NRG3: variants seen among roughly 807,000 people sequenced by gnomAD.
NRG3 encodes neuregulin 3, also known as pro-neuregulin-3, membrane-bound isoform.
Under a neutral mutation model 66.9 loss-of-function variants are expected in NRG3, and 31 were observed. That is an observed-to-expected ratio of 0.46 (90% confidence interval 0.35 to 0.63). The LOEUF (loss-of-function observed/expected upper bound fraction) is 0.63, where lower values mean the gene tolerates loss of function less well. NRG3 is among the 20% of genes least tolerant of loss of function. The probability of loss-of-function intolerance (pLI) is 0.00; values close to 1 mark genes in which losing one functional copy is unlikely to be tolerated. For synonymous variants in NRG3, 393 were observed against 359.4 expected (o/e 1.09, Z -1.06); for missense variants, 910 against 878.9 (o/e 1.04, Z -0.45).
At chr10:81,901,296 G>A (rs987497479) in intron 1 of NRG3, among the ~76,000 whole-genome samples, 1 of 152,220 alleles carries the variant, frequency 6.6e-6, no homozygotes, top group African/African-American at 2.4e-5. Context: ...TGTGCTTCCA[G>A]CACTGAAAGT....
chr10:82,298,156 AAGAAAGAGAGAGGGAG>A (rs2080179742), intron 1 of NRG3, among the ~76,000 whole-genome samples: 1 of 151,446 alleles, frequency 6.6e-6, no homozygotes, highest in Non-Finnish European at 1.5e-5. Context: ...AAAAGAAAGA[AAGAAAGAGAGAGGGAG>A]AGAAAGAGAG....
chr10:82,358,638 C>G, intron 1 of NRG3, 101 bp from the exon 2 acceptor site: 1 of 1,523,426 alleles, frequency 6.6e-7, no homozygotes, highest in Non-Finnish European at 9.0e-7. Flanking sequence ...AGGTCAGAGC[C>G]CATGAGAAGG....
chr10:81,893,496 A>G (rs991884145), intron 1 of NRG3, among the ~76,000 whole-genome samples: 1 of 152,082 alleles, frequency 6.6e-6, no homozygotes, highest in Non-Finnish European at 1.5e-5. Context: ...TAAATGTGAA[A>G]TTTCTAAATT....
At chr10:82,245,678 A>G (rs936895211) in intron 1 of NRG3, among the ~76,000 whole-genome samples, 3 of 152,226 alleles carry the variant, frequency 2.0e-5, no homozygotes, top group African/African-American at 7.2e-5. Flanking sequence ...AGTACCTGAC[A>G]TAATAAAAAC....
intron 1 of NRG3, among the ~76,000 whole-genome samples, chr10:81,985,051 G>A (rs2060471327): frequency 1.3e-5 from 2 of 152,308 alleles, no homozygotes; most frequent in East Asian, 1.9e-4. Flanking sequence ...TCAGGGAAGG[G>A]ACCAGAGAAC....
chr10:81,931,096 C>A (rs144494600), intron 1 of NRG3, among the ~76,000 whole-genome samples: 1 of 152,184 alleles, frequency 6.6e-6, no homozygotes, highest in Non-Finnish European at 1.5e-5. Context: ...CAGCAAACTT[C>A]CCTGTTCATT....
intron 2 of NRG3, among the ~76,000 whole-genome samples, chr10:82,632,390 G>C (rs1462586593): frequency 6.6e-6 from 1 of 152,102 alleles, no homozygotes; most frequent in Non-Finnish European, 1.5e-5. Flanking sequence ...AGATTTTATA[G>C]CTCTATGAGC....
chr10:81,875,235 C>CCCG lies in NRG3; in HGVS notation c.-93_-91dup, dbSNP rs1231581962. 68 of 638,362 alleles carry CCCG rather than the reference C, an allele frequency of 1.1e-4. No individual in the cohort carries two copies. Among genetic ancestry groups the CCCG allele is most frequent in the Middle Eastern group, 7.9e-4 (1 of 1,260 alleles). The allele number at this position is 638,362 out of a possible 1,614,324, so 39.5% of individuals were successfully genotyped here. Reference sequence around the variant, plus strand: ...GCCGCGGCCGCTGCCTGCGCCCGAGCCCGCCGCCGCCGCCGGAGCCCGCGC... The same window carrying CCCG: ...GCCGCGGCCGCTGCCTGCGCCCGAGCCCGCCGCCGCCGCCGCCGGAGCCCGCGC... On this transcript the variant is annotated 5_prime_UTR_variant, in exon 1 of 9. Transcript: ENST00000372141. The surrounding 1 kb of genome is among the most constrained non-coding windows in gnomAD (Gnocchi z 5.3).
chr10:82,508,163 T>C (rs952883900), intron 2 of NRG3, among the ~76,000 whole-genome samples: 4 of 152,214 alleles, frequency 2.6e-5, no homozygotes, highest in Admixed American at 6.5e-5. Flanking sequence ...TACTATTCAT[T>C]CCAATAGAGA....
intron 2 of NRG3, among the ~76,000 whole-genome samples, chr10:82,407,186 A>T (rs531417319): frequency 9.3e-4 from 142 of 152,132 alleles, no homozygotes; most frequent in Non-Finnish European, 1.6e-3. Flanking sequence ...AGAGATTAGG[A>T]TCCATCATTA....
chr10:82,439,727 A>G (rs2090333481), intron 2 of NRG3, among the ~76,000 whole-genome samples: 1 of 151,954 alleles, frequency 6.6e-6, no homozygotes, highest in African/African-American at 2.4e-5. Context: ...TTATATATTT[A>G]ATGTTGTGTT....
intron 1 of NRG3, among the ~76,000 whole-genome samples, chr10:82,263,474 G>T (rs1474409218): frequency 6.6e-6 from 1 of 152,108 alleles, no homozygotes; most frequent in African/African-American, 2.4e-5. Flanking sequence ...TTCTCTCTCA[G>T]TTATGCTCCT....
intron 1 of NRG3, among the ~76,000 whole-genome samples, chr10:82,282,028 C>T (rs541836746): frequency 2.0e-5 from 3 of 152,018 alleles, no homozygotes; most frequent in South Asian, 4.2e-4. Context: ...CAAGCCTGTG[C>T]TTATATGGCT....
intron 2 of NRG3, among the ~76,000 whole-genome samples, chr10:82,539,776 G>C (rs957500583): frequency 3.3e-5 from 5 of 152,008 alleles, no homozygotes; most frequent in Non-Finnish European, 7.4e-5. Context: ...GGGATTACAG[G>C]TGCTTGCCAC....
chr10:82,112,932 A>G (rs1454845980), intron 1 of NRG3, among the ~76,000 whole-genome samples: 3 of 152,092 alleles, frequency 2.0e-5, no homozygotes, highest in South Asian at 2.1e-4. Context: ...GTTGTGCCCC[A>G]TGGTTGATGA....
chr10:82,721,744 T>C (rs141926842), intron 2 of NRG3, among the ~76,000 whole-genome samples: 1,549 of 152,208 alleles, frequency 0.01, 23 homozygotes, highest in African/African-American at 0.035. Flanking sequence ...TAATAAAAGG[T>C]CAACAATTTT....
At chr10:82,155,642 A>G (rs1409245393) in intron 1 of NRG3, among the ~76,000 whole-genome samples, 1 of 151,816 alleles carries the variant, frequency 6.6e-6, no homozygotes, top group Non-Finnish European at 1.5e-5. Context: ...AGCACATATA[A>G]TCAAAAGCAA....
chr10:82,872,957 C>T (rs1003287563), intron 4 of NRG3, among the ~76,000 whole-genome samples: 5 of 151,938 alleles, frequency 3.3e-5, no homozygotes, highest in South Asian at 4.1e-4. Context: ...ACTTTAGGAC[C>T]GGAAAGAGGA....
At chr10:82,665,759 A>ATTTTTTTTTACCCAT (rs1441827709) in intron 2 of NRG3, among the ~76,000 whole-genome samples, 2 of 152,152 alleles carry the variant, frequency 1.3e-5, no homozygotes, top group East Asian at 3.9e-4. Flanking sequence ...CTTATTTCAC[A>ATTTTTTTTTACCCAT]TGAAATCTCA....
Sources: allele counts gnomAD v4.1 joint callset (sites outside exome capture counted in the v4.1 genomes callset), GRCh38; gene constraint gnomAD v4.1.1; non-coding constraint Gnocchi (gnomAD v3.1); transcripts MANE v1.5; gene names NCBI Gene and HGNC (gene_info 2026-07-23, HGNC 2026-07-21).